LGR5: variants seen among roughly 807,000 people sequenced by gnomAD.
LGR5 encodes leucine-rich repeat-containing G protein-coupled receptor 5.
In LGR5, 54 loss-of-function variants were observed where a neutral mutation model predicts 76.7. The observed-to-expected ratio is 0.70, with a 90% CI of 0.57 to 0.88. LGR5 has a LOEUF of 0.88. Among genes scored for constraint, LGR5 ranks in the 40% least tolerant of loss-of-function variants. LGR5 has a pLI of 0.00. For synonymous variants in LGR5, 406 were observed against 421.9 expected (o/e 0.96, Z 0.46); for missense variants, 1,078 against 1,073.3 (o/e 1.00, Z -0.06).
intron 2 of LGR5, 85 bp from the exon 3 acceptor site, chr12:71,524,321 A>C: frequency 1.1e-6 from 1 of 939,022 alleles, no homozygotes; most frequent in Non-Finnish European, 1.6e-6. Context: ...GTTTAAACAT[A>C]GTTGTATTGC....
At chr12:71,568,373 C>G (rs374241734) in intron 11 of LGR5, among the ~76,000 whole-genome samples, 1 of 152,184 alleles carries the variant, frequency 6.6e-6, no homozygotes, top group East Asian at 1.9e-4. Flanking sequence ...GTAGCCACTT[C>G]CTTCAGAGGG....
chr12:71,485,355 A>G (rs1405603218), intron 1 of LGR5, among the ~76,000 whole-genome samples: 1 of 152,222 alleles, frequency 6.6e-6, no homozygotes, highest in African/African-American at 2.4e-5. Flanking sequence ...AGACCAACAG[A>G]AATTTAGTGT....
At chr12:71,509,029 G>T (rs907110417) in intron 2 of LGR5, among the ~76,000 whole-genome samples, 1 of 152,070 alleles carries the variant, frequency 6.6e-6, no homozygotes, top group Non-Finnish European at 1.5e-5. Flanking sequence ...CAATGTGCCC[G>T]TGCATAGAGA....
chr12:71,528,839 A>T (rs1203203501), intron 3 of LGR5, among the ~76,000 whole-genome samples: 2 of 152,192 alleles, frequency 1.3e-5, no homozygotes, highest in African/African-American at 4.8e-5. Flanking sequence ...TCTTTGTCCA[A>T]TTCAGCCTCA....
chr12:71,569,559 G>C (rs1184845545), intron 11 of LGR5, among the ~76,000 whole-genome samples: 1 of 152,142 alleles, frequency 6.6e-6, no homozygotes, highest in Admixed American at 6.5e-5. Flanking sequence ...ATGAAAAATA[G>C]TTCAACATCA....
chr12:71,541,104 C>T (rs1171079007), intron 4 of LGR5, among the ~76,000 whole-genome samples: 2 of 152,174 alleles, frequency 1.3e-5, no homozygotes, highest in African/African-American at 4.8e-5. Flanking sequence ...ATATGCAGAT[C>T]AGCACCCAGT....
chr12:71,485,890 C>T (rs940666133), intron 1 of LGR5, among the ~76,000 whole-genome samples: 5 of 151,806 alleles, frequency 3.3e-5, no homozygotes, highest in East Asian at 1.9e-4. Flanking sequence ...CTCAGCCTCC[C>T]GAGTAGCTGG....
intron 1 of LGR5, among the ~76,000 whole-genome samples, chr12:71,497,683 T>C (rs1874396680): frequency 6.6e-6 from 1 of 152,192 alleles, no homozygotes; most frequent in Non-Finnish European, 1.5e-5. Flanking sequence ...AGATCCATTG[T>C]TGTCAAAGGT....
chr12:71,535,908 C>A (rs538300667), intron 4 of LGR5, among the ~76,000 whole-genome samples: 105 of 152,318 alleles, frequency 6.9e-4, no homozygotes, highest in African/African-American at 2.4e-3. Flanking sequence ...TAAAATTACT[C>A]ACAAAAGAAC....
chr12:71,531,051 G>A (rs946952411), intron 3 of LGR5, among the ~76,000 whole-genome samples: 5 of 151,334 alleles, frequency 3.3e-5, no homozygotes, highest in African/African-American at 9.7e-5. Flanking sequence ...GAGTAGCATG[G>A]GGATGCTGTA....
chr12:71,464,421 G>C lies in LGR5; in HGVS notation c.212+24129G>C, dbSNP rs1019619552. The stretch of plus-strand genomic sequence containing the variant: ...GAACTACAAGTGAAATATACAATCT[G>C]GTTAGGGGTATCTGACATATTCAGA... On this transcript the variant is annotated intron_variant, in intron 1 of 17. Transcript: ENST00000266674. Among the ~76,000 whole-genome samples, 155 of 152,136 alleles carry C rather than the reference G, an allele frequency of 1.0e-3. 3 individuals are homozygous for C. Among genetic ancestry groups the C allele is most frequent in the Non-Finnish European group, 1.9e-4 (13 of 68,010 alleles).
intron 4 of LGR5, among the ~76,000 whole-genome samples, chr12:71,548,048 A>G (rs1377904483): frequency 1.3e-5 from 2 of 152,214 alleles, no homozygotes; most frequent in Non-Finnish European, 2.9e-5. Context: ...ATGGCATTTC[A>G]AGATCACAAT....
At chr12:71,557,876 T>C (rs1167207193) in intron 6 of LGR5, among the ~76,000 whole-genome samples, 1 of 152,158 alleles carries the variant, frequency 6.6e-6, no homozygotes. Flanking sequence ...TGACCAGAAC[T>C]GCAAAAGGAA....
intron 3 of LGR5, among the ~76,000 whole-genome samples, chr12:71,528,238 A>G (rs533262571): frequency 6.6e-6 from 1 of 152,242 alleles, no homozygotes; most frequent in South Asian, 2.1e-4. Flanking sequence ...TGACTGAATT[A>G]CTTGAGCTCA....
intron 2 of LGR5, among the ~76,000 whole-genome samples, chr12:71,505,886 C>T (rs185145688): frequency 3.9e-5 from 6 of 152,218 alleles, no homozygotes; most frequent in Non-Finnish European, 8.8e-5. Context: ...AGGTCCCAGG[C>T]CTTTTTTTTC....
chr12:71,523,368 G>A (rs1449672940), intron 2 of LGR5, among the ~76,000 whole-genome samples: 1 of 151,954 alleles, frequency 6.6e-6, no homozygotes, highest in East Asian at 1.9e-4. Flanking sequence ...ACCCAGCAGG[G>A]GGCTGGGTAC....
intron 3 of LGR5, among the ~76,000 whole-genome samples, chr12:71,531,358 G>C (rs1258750331): frequency 6.6e-6 from 1 of 152,128 alleles, no homozygotes. Context: ...AACAAAAACA[G>C]AATGTTCTAA....
At chr12:71,542,035 G>C (rs1876904703) in intron 4 of LGR5, among the ~76,000 whole-genome samples, 1 of 152,172 alleles carries the variant, frequency 6.6e-6, no homozygotes, top group South Asian at 2.1e-4. Context: ...AAAACAGAAA[G>C]AAATAAATGA....
intron 11 of LGR5, among the ~76,000 whole-genome samples, chr12:71,570,396 T>C (rs559821931): frequency 6.6e-6 from 1 of 152,344 alleles, no homozygotes; most frequent in South Asian, 2.1e-4. Context: ...TATGCCTTTA[T>C]GTAGAAGGTC....
Sources: allele counts gnomAD v4.1 joint callset (sites outside exome capture counted in the v4.1 genomes callset), GRCh38; gene constraint gnomAD v4.1.1; transcripts MANE v1.5; gene names NCBI Gene and HGNC (gene_info 2026-07-23, HGNC 2026-07-21).